Variants in ACACA observed in about 807,000 individuals in gnomAD.
The protein encoded by ACACA is acetyl-CoA carboxylase 1.
In ACACA, 103 loss-of-function variants were observed where a neutral mutation model predicts 296.1. The ratio of observed to expected loss-of-function variants is 0.35; its 90% CI spans 0.30 to 0.41. ACACA has a LOEUF of 0.41. ACACA is among the 10% of genes least tolerant of loss of function. The pLI is 1.00. For missense variants in ACACA, 1,554 were observed against 2,989.7 expected, an observed-to-expected ratio of 0.52 and a Z score of 11.20; for synonymous variants, 953 against 1,038.6, an observed-to-expected ratio of 0.92 and a Z score of 1.58.
At chr17:37,336,070 A>G (rs2048103185) in intron 2 of ACACA, among the ~76,000 whole-genome samples, 1 of 152,098 alleles carries the variant, frequency 6.6e-6, no homozygotes, top group African/African-American at 2.4e-5. Context: ...TGGACCCTGT[A>G]TCTTTAACCT....
intron 45 of ACACA, chr17:37,144,383 A>C: frequency 2.4e-6 from 1 of 413,202 alleles, no homozygotes; most frequent in East Asian, 5.2e-5. Flanking sequence ...TAACCTCTTT[A>C]AGTTATGTGA....
intron 52 of ACACA, among the ~76,000 whole-genome samples, chr17:37,104,885 G>C (rs897030114): frequency 1.9e-4 from 28 of 144,984 alleles, no homozygotes; most frequent in African/African-American, 6.6e-4. Context: ...GGTGTGGTGA[G>C]CTGTGATCAT....
intron 6 of ACACA, 129 bp from the exon 7 acceptor site, chr17:37,277,243 C>T: frequency 1.2e-6 from 1 of 801,842 alleles, no homozygotes; most frequent in Non-Finnish European, 2.1e-6. Context: ...ATGCTTAATT[C>T]AGCTTCTATG....
At chr17:37,146,661 G>T (rs909215303) in intron 45 of ACACA, among the ~76,000 whole-genome samples, 3 of 145,234 alleles carry the variant, frequency 2.1e-5, no homozygotes, top group South Asian at 2.3e-4. Context: ...TGTAAGAGGT[G>T]GGGGGGAAGG....
At chr17:37,208,766 C>T (rs1230513996) in intron 30 of ACACA, among the ~76,000 whole-genome samples, 1 of 152,164 alleles carries the variant, frequency 6.6e-6, no homozygotes, top group Non-Finnish European at 1.5e-5. Flanking sequence ...ATCAGGACAG[C>T]CTGTTAGGAA....
At chr17:37,321,691 T>C in intron 3 of ACACA, among the ~76,000 whole-genome samples, 1 of 151,962 alleles carries the variant, frequency 6.6e-6, no homozygotes, top group Non-Finnish European at 1.5e-5. Flanking sequence ...GAGCTTGCAG[T>C]GAGCCGAGAT....
In ACACA at chr17:37,260,282, ATATATATATATATATTTTTTTTTT is replaced by A. The variant is rs1488387631; in HGVS notation, c.1330-776_1330-753del. On this transcript the variant is annotated intron_variant, in intron 11 of 55. Coordinates refer to ENST00000616317, the MANE Select transcript of ACACA (RefSeq NM_198834.3). Reference sequence around the variant, plus strand: ...TATATATATATATATATATATATATATATATATATATATATTTTTTTTTTTTTTTTTTTTGGAGATGGAGTCTCG... The same window carrying A: ...TATATATATATATATATATATATATATTTTTTTTTTGGAGATGGAGTCTCG... 4.8e-4 allele frequency among the ~76,000 whole-genome samples: 17 copies of A among 35,606 alleles called. 1 individual carries two copies. Among genetic ancestry groups the A allele is most frequent in the African/African-American group, 2.5e-3 (17 of 6,702 alleles). 23.4% of individuals were successfully genotyped at this position (35,606 alleles called of 152,430 possible).
chr17:37,139,546 C>T (rs571138597), intron 45 of ACACA, among the ~76,000 whole-genome samples: 105 of 152,184 alleles, frequency 6.9e-4, no homozygotes, highest in Non-Finnish European at 1.3e-3. Context: ...ACTGATTCCA[C>T]CAAATCTTAG....
At chr17:37,323,880 A>T (rs1267295512) in intron 3 of ACACA, among the ~76,000 whole-genome samples, 1 of 152,196 alleles carries the variant, frequency 6.6e-6, no homozygotes. Context: ...GAGCAGAGAA[A>T]CTGCCAATAT....
chr17:37,117,711 A>C (rs1024784553), intron 50 of ACACA, among the ~76,000 whole-genome samples: 1 of 152,184 alleles, frequency 6.6e-6, no homozygotes, highest in Admixed American at 6.5e-5. Flanking sequence ...AAAAAGCACC[A>C]ATACCATCTT....
chr17:37,181,734 C>G (rs1439289657), intron 39 of ACACA, among the ~76,000 whole-genome samples: 1 of 151,590 alleles, frequency 6.6e-6, no homozygotes, highest in Non-Finnish European at 1.5e-5. Context: ...CTTGTCTCTA[C>G]TGAAAATACA....
At chr17:37,199,026 G>C (rs1407519286) in intron 35 of ACACA, among the ~76,000 whole-genome samples, 1 of 152,048 alleles carries the variant, frequency 6.6e-6, no homozygotes, top group Non-Finnish European at 1.5e-5. Context: ...GATCACCTGA[G>C]GTCAGGAGTT....
chr17:37,390,806 A>G (rs1166219151), intron 1 of ACACA, among the ~76,000 whole-genome samples: 1 of 152,026 alleles, frequency 6.6e-6, no homozygotes, highest in Non-Finnish European at 1.5e-5. Flanking sequence ...AAAAAAAAAA[A>G]AATTATCATT....
intron 1 of ACACA, chr17:37,391,958 C>T (rs2050903266): frequency 1.8e-6 from 1 of 541,430 alleles, no homozygotes; most frequent in East Asian, 2.9e-5. Flanking sequence ...GATACCTTTC[C>T]ATCCCCTCAA....
intron 1 of ACACA, among the ~76,000 whole-genome samples, chr17:37,370,376 G>A (rs2049759676): frequency 6.6e-6 from 1 of 151,412 alleles, no homozygotes; most frequent in South Asian, 2.1e-4. Flanking sequence ...CCCAGACGCG[G>A]TGGCTCACGC....
At chr17:37,376,908 C>T (rs116005834) in intron 1 of ACACA, among the ~76,000 whole-genome samples, 220 of 152,108 alleles carry the variant, frequency 1.4e-3, no homozygotes, top group African/African-American at 4.9e-3. Context: ...GAGCTGAGAT[C>T]GTACCACTGA....
intron 47 of ACACA, among the ~76,000 whole-genome samples, chr17:37,127,141 T>C (rs1326599833): frequency 6.6e-6 from 1 of 152,186 alleles, no homozygotes; most frequent in Admixed American, 6.5e-5. Flanking sequence ...ATTTCATTAA[T>C]AATGGCCAGG....
chr17:37,357,894 C>T (rs2049215054), intron 1 of ACACA, among the ~76,000 whole-genome samples: 1 of 151,892 alleles, frequency 6.6e-6, no homozygotes, highest in South Asian at 2.1e-4. Flanking sequence ...GACCATGTAA[C>T]CAAAGAAAGC....
At chr17:37,216,189 C>CGT (rs1204339625) in intron 29 of ACACA, among the ~76,000 whole-genome samples, 3,537 of 141,324 alleles carry the variant, frequency 0.025, 123 homozygotes, top group African/African-American at 0.082. Flanking sequence ...CATACACACA[C>CGT]GTGTGTGTGT....
Sources: gnomAD v4.1 joint callset for allele counts (sites outside exome capture counted in the v4.1 genomes callset) on GRCh38, gnomAD v4.1.1 for gene constraint, MANE v1.5 for transcripts, NCBI Gene and HGNC (gene_info 2026-07-23, HGNC 2026-07-21) for gene names.